Variants in BLTP3A observed in about 807,000 individuals in gnomAD.
The protein encoded by BLTP3A is bridge-like lipid transfer protein family member 3A, also known as ICBP90 binding protein 1.
At chr6:34,792,212 G>T in the BLTP3A span, 3 of 1,530,442 alleles carry the variant, frequency 2.0e-6, no homozygotes, top group Non-Finnish European at 2.6e-6. Flanking sequence ...GGCCACAGCT[G>T]CCGGCCCACC....
the BLTP3A span, chr6:34,870,709 G>C: frequency 8.7e-7 from 1 of 1,143,644 alleles, no homozygotes; most frequent in Non-Finnish European, 1.2e-6. Context: ...GTAATTTTGG[G>C]CAAGTTATTC....
chr6:34,855,549 A>G, the BLTP3A span: 8 of 1,578,116 alleles, frequency 5.1e-6, no homozygotes, highest in South Asian at 7.8e-5. Context: ...GGACTTCTGC[A>G]TGCTTTAGGT....
the BLTP3A span, among the ~76,000 whole-genome samples, chr6:34,832,036 A>T: frequency 6.6e-6 from 1 of 151,266 alleles, no homozygotes; most frequent in East Asian, 1.9e-4. Flanking sequence ...GATGGTCTCG[A>T]TCTCTTGACC....
the BLTP3A span, among the ~76,000 whole-genome samples, chr6:34,829,136 T>C: frequency 6.6e-6 from 1 of 151,846 alleles, no homozygotes; most frequent in Non-Finnish European, 1.5e-5. Flanking sequence ...CATTCATCCA[T>C]GTGAAGTATA....
chr6:34,848,158 G>A, the BLTP3A span, among the ~76,000 whole-genome samples: 1 of 150,266 alleles, frequency 6.7e-6, no homozygotes, highest in Admixed American at 6.6e-5. Flanking sequence ...TGGACTCAAG[G>A]GATCTGCCTG....
the BLTP3A span, among the ~76,000 whole-genome samples, chr6:34,801,706 T>C: frequency 4.0e-5 from 2 of 50,310 alleles, no homozygotes; most frequent in East Asian, 1.3e-3. Flanking sequence ...CTTTATTTTA[T>C]TTATTTATTT....
At chr6:34,868,656 G>A in the BLTP3A span, among the ~76,000 whole-genome samples, 3 of 151,784 alleles carry the variant, frequency 2.0e-5, no homozygotes, top group South Asian at 2.1e-4. Flanking sequence ...CCGGGGAGGC[G>A]GAGGTTGCAG....
chr6:34,829,640 C>T, the BLTP3A span, among the ~76,000 whole-genome samples: 265 of 149,112 alleles, frequency 1.8e-3, no homozygotes, highest in African/African-American at 6.1e-3. Context: ...GGTTCTTCTT[C>T]TTTTTTTTTT....
chr6:34,873,762 AAGGT>A, the BLTP3A span: 2 of 152,242 alleles, frequency 1.3e-5, no homozygotes, highest in Non-Finnish European at 2.9e-5. Context: ...TACTGAAGGA[AAGGT>A]AAAAAGGTTT....
the BLTP3A span, among the ~76,000 whole-genome samples, chr6:34,855,346 G>A: frequency 2.6e-5 from 4 of 152,242 alleles, no homozygotes; most frequent in South Asian, 2.1e-4. Flanking sequence ...CGAGTTTGGC[G>A]GTCTCTTTCG....
the BLTP3A span, chr6:34,834,606 A>T: frequency 7.0e-7 from 1 of 1,421,812 alleles, no homozygotes; most frequent in Non-Finnish European, 9.6e-7. Flanking sequence ...TCTTGGTGGG[A>T]TCCCAACTGA....
At chr6:34,799,276 A>G in the BLTP3A span, among the ~76,000 whole-genome samples, 1 of 152,228 alleles carries the variant, frequency 6.6e-6, no homozygotes, top group Admixed American at 6.5e-5. Flanking sequence ...ATAGTTTCAT[A>G]CTTGCTTTGT....
the BLTP3A span, chr6:34,875,985 C>T: frequency 6.6e-6 from 1 of 152,582 alleles, no homozygotes; most frequent in Non-Finnish European, 1.5e-5. Flanking sequence ...AGACTTCAGC[C>T]ACTGCACATT....
chr6:34,871,769 T>C, the BLTP3A span: 5 of 1,611,992 alleles, frequency 3.1e-6, no homozygotes, highest in Non-Finnish European at 3.4e-6. Flanking sequence ...AGGAACTGTT[T>C]GGGAGTTGGC....
chr6:34,835,916 G>C, the BLTP3A span, among the ~76,000 whole-genome samples: 2 of 152,174 alleles, frequency 1.3e-5, no homozygotes, highest in Non-Finnish European at 1.5e-5. Flanking sequence ...AGAGCTGGGA[G>C]GGCAATTCAG....
the BLTP3A span, among the ~76,000 whole-genome samples, chr6:34,833,471 CTA>C: frequency 4.0e-5 from 6 of 151,738 alleles, no homozygotes; most frequent in Non-Finnish European, 7.4e-5. Context: ...TATAGAAACC[CTA>C]TGTCTCTTTT....
At chr6:34,867,478 G>GTCACCTT in the BLTP3A span, 2 of 1,614,114 alleles carry the variant, frequency 1.2e-6, no homozygotes, top group South Asian at 2.2e-5. Flanking sequence ...CTCAGTTCTG[G>GTCACCTT]TCCTGAAGGT....
the BLTP3A span, among the ~76,000 whole-genome samples, chr6:34,851,637 T>C: frequency 6.6e-6 from 1 of 152,126 alleles, no homozygotes; most frequent in Non-Finnish European, 1.5e-5. Flanking sequence ...TGGCTGCTGC[T>C]GATATTCACT....
At chr6:34,871,534 A>T in the BLTP3A span, 1 of 1,565,110 alleles carries the variant, frequency 6.4e-7, no homozygotes, top group Non-Finnish European at 8.8e-7. Flanking sequence ...GTTGTGTTAA[A>T]TTGCTCTGAG....
Sources: allele counts gnomAD v4.1 joint callset (sites outside exome capture counted in the v4.1 genomes callset), GRCh38; gene constraint gnomAD v4.1.1; transcripts MANE v1.5; gene names NCBI Gene and HGNC (gene_info 2026-07-23, HGNC 2026-07-21).